The following FBXW4 variants were observed in gnomAD, a reference collection of about 807,000 sequenced individuals.
FBXW4 encodes the protein F-box and WD repeat domain containing 4.
In FBXW4, 40 loss-of-function variants were observed where a neutral mutation model predicts 61.8. That is an observed-to-expected ratio of 0.65 (90% confidence interval 0.50 to 0.84). The LOEUF (loss-of-function observed/expected upper bound fraction) is 0.84, where lower values mean the gene tolerates loss of function less well. Among genes scored for constraint, FBXW4 ranks in the 40% least tolerant of loss-of-function variants. FBXW4 has a pLI of 0.00. For synonymous variants in FBXW4, 311 were observed against 313.8 expected, an observed-to-expected ratio of 0.99 and a Z score of 0.10; for missense variants, 672 against 753.8, an observed-to-expected ratio of 0.89 and a Z score of 1.27.
At chr10:101,651,503 A>T (rs941065550) in intron 5 of FBXW4, among the ~76,000 whole-genome samples, 98 of 152,314 alleles carry the variant, frequency 6.4e-4, no homozygotes, top group African/African-American at 2.3e-3. Flanking sequence ...GGGACGGTTT[A>T]TCAAACAATC....
intron 5 of FBXW4, chr10:101,626,946 C>T (rs2063911965): frequency 6.6e-6 from 1 of 152,060 alleles, no homozygotes; most frequent in Non-Finnish European, 1.5e-5. Context: ...AATCCCCTTC[C>T]CAGGGACTCC....
At chr10:101,649,478 G>A (rs1188740559) in intron 5 of FBXW4, among the ~76,000 whole-genome samples, 1 of 151,986 alleles carries the variant, frequency 6.6e-6, no homozygotes, top group Non-Finnish European at 1.5e-5. Context: ...GAAATATTAA[G>A]GAAAAAAAAG....
chr10:101,695,037 C>G lies in FBXW4; in HGVS notation c.69G>C (p.Ala23=). Residue 23 remains alanine (A), a synonymous_variant, in exon 1 of 9, where the codon GCG becomes GCC. Transcript: ENST00000331272. The surrounding 1 kb of genome is among the most constrained non-coding windows in gnomAD (Gnocchi z 4.2). ...CCACCCTCCCTTCCTGCAGCTTCCT[C>G]GCCTCTCCGCCCTCGCCCTCGCCGG... ...GGPGEGEGGE[A]RKLQEGRVAR... 9.8e-7 allele frequency: 1 copy of G among 1,018,392 alleles called. No individual in the cohort carries two copies. Among genetic ancestry groups the G allele is most frequent in the Non-Finnish European group, 1.2e-6 (1 of 851,738 alleles). 63.1% of individuals were successfully genotyped at this position (1,018,392 alleles called of 1,614,324 possible).
At position 101,694,724 on chromosome 10, in the gene FBXW4, T is replaced by C. The variant is rs1589789713; in HGVS notation, c.382A>G (p.Arg128Gly). 7.3e-6 allele frequency: 10 copies of C among 1,374,846 alleles called. No homozygotes were observed. The highest frequency in any genetic ancestry group is 9.3e-7 in the Non-Finnish European group (1 of 1,072,936). 85.2% of individuals were successfully genotyped at this position (1,374,846 alleles called of 1,614,324 possible). ...CCCGGCCTGGCGCCCTCCCGCCGCCTAGCCCTGACCCTCCATTCCTCCTTC... is the reference window on the plus strand; with the variant it reads ...CCCGGCCTGGCGCCCTCCCGCCGCCCAGCCCTGACCCTCCATTCCTCCTTC... Reference protein sequence around the residue: ...GKKEEWRVRARRREGARPGRA... With the variant: ...GKKEEWRVRAGRREGARPGRA... Residue 128 changes from arginine to glycine, a missense_variant, in exon 1 of 9, where the codon AGG (arginine) becomes GGG (glycine). Transcript: ENST00000331272. The surrounding 1 kb of genome is among the most constrained non-coding windows in gnomAD (Gnocchi z 6.0).
Position 101,694,411 on chromosome 10 carries a change from T to G in FBXW4, c.695A>C (p.Asn232Thr). ...LWRRIARASL[N>T]SGFTRLGTDL... is the part of the protein sequence containing the mutation. ...GGTGCCGAGCCGCGTGAAGCCGGAG[T>G]TGAGCGAGGCCCGGGCTATCCGGCG... is the stretch of plus-strand genomic sequence containing the variant. The change falls in exon 1 of 9, where the codon AAC becomes ACC. Residue 232 changes from asparagine (N) to threonine (T), a missense_variant. This residue lies in a region of FBXW4 where 311 missense variants were observed against 301.1 expected (regional missense o/e 1.03). Transcript: ENST00000331272. The surrounding 1 kb of genome is among the most constrained non-coding windows in gnomAD (Gnocchi z 6.0). The G allele has an allele frequency of 6.7e-7, 1 of 1,502,868 alleles. No homozygotes were observed. Among genetic ancestry groups the G allele is most frequent in the Non-Finnish European group, 8.8e-7 (1 of 1,138,220 alleles). The allele number at this position is 1,502,868 out of a possible 1,614,324, so 93.1% of individuals were successfully genotyped here.
At chr10:101,650,791 G>A (rs2064138859) in intron 5 of FBXW4, among the ~76,000 whole-genome samples, 1 of 152,194 alleles carries the variant, frequency 6.6e-6, no homozygotes, top group Admixed American at 6.5e-5. Flanking sequence ...CCCCAGCCTG[G>A]CCTCCCAGCC....
chr10:101,615,185 G>A (rs1259038407), intron 6 of FBXW4, among the ~76,000 whole-genome samples: 1 of 152,170 alleles, frequency 6.6e-6, no homozygotes, highest in East Asian at 1.9e-4. Context: ...CACTGTGGGG[G>A]GCGAGAGGGG....
chr10:101,614,044 C>G (rs1283196109), intron 6 of FBXW4, among the ~76,000 whole-genome samples: 1 of 152,246 alleles, frequency 6.6e-6, no homozygotes, highest in East Asian at 1.9e-4. Flanking sequence ...AGATGGGCCA[C>G]CAGCCAAGAT....
chr10:101,667,959 G>T lies in FBXW4; in HGVS notation c.1162C>A (p.Arg388=). Residue 388 remains arginine (R), a synonymous_variant, in exon 5 of 9, where the codon CGG becomes AGG. Transcript: ENST00000331272. ...TAKVWPLASG[R]LGQCLHTIQT... is the part of the protein sequence containing the mutation. ...ATGGTGTGTAAGCACTGCCCCAGCCGGCCTGAGGCCAAAGGCCACACCTAG... is the reference window on the plus strand; with the variant it reads ...ATGGTGTGTAAGCACTGCCCCAGCCTGCCTGAGGCCAAAGGCCACACCTAG... 1 of 1,614,120 alleles carries T rather than the reference G, an allele frequency of 6.2e-7. No homozygotes were observed.
rs1457900266 is a variant in FBXW4, at chr10:101,611,266, C to G, written c.*25G>C. The G allele has an allele frequency of 6.2e-7, 1 of 1,609,080 alleles. No homozygotes were observed. Among genetic ancestry groups the G allele is most frequent in the South Asian group, 1.1e-5 (1 of 90,098 alleles). ...TCCCTGAGTAGCTGGTTTCCCTGGCCCAGAGGCAGGGGTGGCCCTGACGGT... is the reference window on the plus strand; with the variant it reads ...TCCCTGAGTAGCTGGTTTCCCTGGCGCAGAGGCAGGGGTGGCCCTGACGGT... On this transcript the variant is annotated 3_prime_UTR_variant, in exon 9 of 9. Transcript: ENST00000331272. The surrounding 1 kb of genome is among the most constrained non-coding windows in gnomAD (Gnocchi z 4.9).
rs542960122 is a variant in FBXW4 at position 101,624,793 on chromosome 10, G to A, written c.1253C>T (p.Thr418Met). The change falls in exon 6 of 9, where the codon ACG becomes ATG. Residue 418 changes from threonine (T) to methionine (M), a missense_variant. Transcript: ENST00000331272. ...SPLLSSFVTG[T>M]ACCGHFSPLR... ...GGGTGAGAAGTGCCCGCAACAAGCC[G>A]TCCCTGTCACAAAAGAGCTGCCAAA... 58 of 1,614,248 alleles carry A rather than the reference G, an allele frequency of 3.6e-5. No homozygotes were observed. The highest frequency in any genetic ancestry group is 2.2e-4 in the Admixed American group (13 of 60,028).
chr10:101,688,884 C>G (rs962507924), intron 1 of FBXW4, among the ~76,000 whole-genome samples: 15 of 152,074 alleles, frequency 9.9e-5, no homozygotes, highest in Admixed American at 9.8e-4. Flanking sequence ...ATTTTTGGAG[C>G]CTGGTCTCAA....
chr10:101,668,029 G>A (rs773771803), intron 4 of FBXW4, 49 bp from the exon 5 acceptor site: 2 of 1,415,904 alleles, frequency 1.4e-6, no homozygotes, highest in Non-Finnish European at 2.0e-6. Context: ...TGGGATCAGT[G>A]GGGAGGAGAG....
chr10:101,685,502 C>T (rs1313163858), intron 1 of FBXW4, among the ~76,000 whole-genome samples: 1 of 152,080 alleles, frequency 6.6e-6, no homozygotes, highest in Non-Finnish European at 1.5e-5. Flanking sequence ...CAAAATATTG[C>T]CCATGATACA....
chr10:101,673,450 G>A (rs768272459), intron 3 of FBXW4, 38 bp downstream of exon 3: 10 of 1,608,880 alleles, frequency 6.2e-6, no homozygotes, highest in Non-Finnish European at 6.8e-6. Context: ...CGAAGTATAA[G>A]ATGGAAAAGG....
chr10:101,695,256 A>C (rs1373801758), upstream of FBXW4: 1 of 950,262 alleles, frequency 1.1e-6, no homozygotes, highest in African/African-American at 1.8e-5. This position sits in a 1 kb window ranked among gnomAD's most constrained non-coding sequence, Gnocchi z 4.2. Context: ...CCTTGGAGCC[A>C]CTTCGGGGTG....
intron 5 of FBXW4, among the ~76,000 whole-genome samples, chr10:101,664,093 A>G (rs747891974): frequency 2.2e-4 from 33 of 152,184 alleles, no homozygotes; most frequent in Non-Finnish European, 4.6e-4. Context: ...CTCTTTACAA[A>G]TCAAGAACTC....
chr10:101,627,738 T>C (rs1185795497), intron 5 of FBXW4, among the ~76,000 whole-genome samples: 1 of 152,210 alleles, frequency 6.6e-6, no homozygotes, highest in East Asian at 1.9e-4. Context: ...AGATAGATAT[T>C]ATTATTCCCA....
At chr10:101,657,780 C>T (rs2064202148) in intron 5 of FBXW4, among the ~76,000 whole-genome samples, 1 of 152,000 alleles carries the variant, frequency 6.6e-6, no homozygotes. Flanking sequence ...GAAGGAAGAG[C>T]CAAAAATATT....
Sources: gnomAD v4.1 joint callset for allele counts (sites outside exome capture counted in the v4.1 genomes callset) on GRCh38, gnomAD v4.1.1 for gene constraint, gnomAD v4.1.1 regional missense constraint, Gnocchi (gnomAD v3.1) non-coding constraint, MANE v1.5 for transcripts, NCBI Gene and HGNC (gene_info 2026-07-23, HGNC 2026-07-21) for gene names.